Variants in ETV6 observed in about 807,000 individuals in gnomAD.
ETV6 encodes the protein transcription factor ETV6.
A neutral mutation model predicts 51.1 loss-of-function variants in ETV6; 16 were observed. The ratio of observed to expected loss-of-function variants is 0.31; its 90% CI spans 0.21 to 0.48. The LOEUF (loss-of-function observed/expected upper bound fraction) is 0.48. ETV6 is among the 20% of genes least tolerant of loss of function. The pLI, the probability that ETV6 is intolerant of heterozygous loss-of-function variation, is 0.99. For missense variants in ETV6, 458 were observed against 594.8 expected (o/e 0.77, Z 2.39); for synonymous variants, 240 against 224.1 (o/e 1.07, Z -0.64).
chr12:11,668,412 T>TAAA (rs775685836), intron 1 of ETV6, among the ~76,000 whole-genome samples: 36 of 151,832 alleles, frequency 2.4e-4, no homozygotes, highest in South Asian at 8.3e-4. Flanking sequence ...TTTTTTTTTT[T>TAAA]AAATTGATGT....
At chr12:11,836,607 T>C (rs938309588) in intron 2 of ETV6, among the ~76,000 whole-genome samples, 1 of 152,208 alleles carries the variant, frequency 6.6e-6, no homozygotes, top group African/African-American at 2.4e-5. Flanking sequence ...AGTGTGACTC[T>C]TCTTGTATTT....
chr12:11,689,071 G>T (rs926724900), intron 1 of ETV6, among the ~76,000 whole-genome samples: 1 of 140,912 alleles, frequency 7.1e-6, no homozygotes, highest in African/African-American at 2.6e-5. Context: ...GAAATGTTTT[G>T]GCAAGATCTC....
chr12:11,895,311 G>C lies in ETV6; in HGVS notation c.*4265G>C, dbSNP rs1014104336. The C allele has an allele frequency of 4.4e-6, 1 of 226,154 alleles. No individual in the cohort carries two copies. The highest frequency in any genetic ancestry group is 8.7e-6 in the Non-Finnish European group (1 of 114,612). The allele number at this position is 226,154 out of a possible 1,614,324, so 14.0% of individuals were successfully genotyped here. On this transcript the variant is annotated 3_prime_UTR_variant, in exon 8 of 8. Transcript: ENST00000396373. The stretch of plus-strand genomic sequence containing the variant: ...AAAGAAAAAAAAAACAAAAAAAAAT[G>C]CCTTTTCTCAGGGCCAGTGAGTTGC...
intron 1 of ETV6, among the ~76,000 whole-genome samples, chr12:11,724,093 G>A (rs915562610): frequency 6.6e-6 from 1 of 152,104 alleles, no homozygotes; most frequent in African/African-American, 2.4e-5. Flanking sequence ...TAGGGAAGCT[G>A]GTTGTCAAGT....
chr12:11,756,586 T>G (rs1275633212), intron 2 of ETV6, among the ~76,000 whole-genome samples: 1 of 152,190 alleles, frequency 6.6e-6, no homozygotes. Context: ...CACTCTTGAC[T>G]CTACGCAGAG....
intron 2 of ETV6, among the ~76,000 whole-genome samples, chr12:11,830,344 G>C (rs932355979): frequency 6.6e-6 from 1 of 152,222 alleles, no homozygotes; most frequent in Admixed American, 6.5e-5. Flanking sequence ...TAACCCAGGG[G>C]AAGTTCACTG....
chr12:11,709,750 T>C (rs903122894), intron 1 of ETV6, among the ~76,000 whole-genome samples: 2 of 152,224 alleles, frequency 1.3e-5, no homozygotes, highest in African/African-American at 4.8e-5. Flanking sequence ...ACCCAATCAG[T>C]TGAAGGCCTG....
intron 1 of ETV6, among the ~76,000 whole-genome samples, chr12:11,667,326 A>G (rs1311225640): frequency 6.6e-6 from 1 of 152,146 alleles, no homozygotes; most frequent in Non-Finnish European, 1.5e-5. Context: ...GAGGCTGTTG[A>G]GTGAGAAGCC....
At position 11,891,817 on chromosome 12, in the gene ETV6, G is replaced by A. The variant is rs1387365173; in HGVS notation, c.*771G>A. The A allele has an allele frequency of 1.5e-5, 5 of 338,602 alleles. No homozygotes were observed. The highest frequency in any genetic ancestry group is 1.0e-4 in the African/African-American group (5 of 48,554). The allele number at this position is 338,602 out of a possible 1,614,324, so 21.0% of individuals were successfully genotyped here. The stretch of plus-strand genomic sequence containing the variant: ...CGGGTGCTTTGTGGCCAGCAGCACA[G>A]AATCAAACCCGCATCCCAGCATTGG... On this transcript the variant is annotated 3_prime_UTR_variant, in exon 8 of 8. Transcript: ENST00000396373.
At chr12:11,677,394 T>C (rs1378715065) in intron 1 of ETV6, among the ~76,000 whole-genome samples, 1 of 152,234 alleles carries the variant, frequency 6.6e-6, no homozygotes, top group Non-Finnish European at 1.5e-5. Context: ...TCTAGATTCT[T>C]TGGCTGTATA....
chr12:11,821,570 C>T lies in ETV6; in HGVS notation c.164-17570C>T, dbSNP rs1027959239. Among the ~76,000 whole-genome samples the T allele has an allele frequency of 4.6e-5, 7 of 152,106 alleles. No homozygotes were observed. The East Asian group carries it at 1.4e-3, about 29-fold the overall frequency. ...TGGAGATGTTGACCGGGCACAGTGG[C>T]TCATGCCTGTAATCCCAGCACTTTG... On this transcript the variant is annotated intron_variant, in intron 2 of 7. Transcript: ENST00000396373.
chr12:11,686,974 C>T (rs1362541965), intron 1 of ETV6, among the ~76,000 whole-genome samples: 1 of 152,178 alleles, frequency 6.6e-6, no homozygotes, highest in African/African-American at 2.4e-5. Context: ...CAATCTCCGC[C>T]TTCCAGGTTC....
chr12:11,739,982 T>C (rs534754458), intron 1 of ETV6, among the ~76,000 whole-genome samples: 5 of 152,206 alleles, frequency 3.3e-5, no homozygotes, highest in Non-Finnish European at 5.9e-5. Context: ...TTTATGACAA[T>C]TGAGGGTTGG....
intron 2 of ETV6, among the ~76,000 whole-genome samples, chr12:11,771,000 A>G (rs1213931708): frequency 6.6e-6 from 1 of 152,200 alleles, no homozygotes; most frequent in African/African-American, 2.4e-5. Context: ...TTAACTTGTG[A>G]CCAACATCTA....
chr12:11,815,279 C>T (rs938309987), intron 2 of ETV6, among the ~76,000 whole-genome samples: 2 of 152,206 alleles, frequency 1.3e-5, no homozygotes, highest in African/African-American at 4.8e-5. Flanking sequence ...TGAGTCCTAT[C>T]CAAGCAAGGC....
intron 1 of ETV6, chr12:11,751,348 A>G: frequency 1.9e-6 from 1 of 518,696 alleles, no homozygotes; most frequent in South Asian, 1.4e-5. Flanking sequence ...CTTGAGTTTT[A>G]TTTTCATAGT....
chr12:11,682,038 A>G (rs1864540565), intron 1 of ETV6, among the ~76,000 whole-genome samples: 1 of 152,198 alleles, frequency 6.6e-6, no homozygotes. Context: ...ATACGTGTGC[A>G]TGTGTCTTTA....
chr12:11,706,073 T>C (rs1488386807), intron 1 of ETV6, among the ~76,000 whole-genome samples: 1 of 152,234 alleles, frequency 6.6e-6, no homozygotes, highest in African/African-American at 2.4e-5. Flanking sequence ...CCAGGACTTC[T>C]TTAGGATGGG....
intron 5 of ETV6, among the ~76,000 whole-genome samples, chr12:11,871,197 C>CTTTTT (rs569181747): frequency 7.2e-6 from 1 of 138,276 alleles, no homozygotes; most frequent in South Asian, 2.3e-4. Context: ...GGTACTGTCC[C>CTTTTT]TTTTTTTTTT....
Sources: allele counts gnomAD v4.1 joint callset (sites outside exome capture counted in the v4.1 genomes callset), GRCh38; gene constraint gnomAD v4.1.1; transcripts MANE v1.5; gene names NCBI Gene and HGNC (gene_info 2026-07-23, HGNC 2026-07-21).